The following AKAP7 variants were observed in gnomAD, a reference collection of about 807,000 sequenced individuals.
AKAP7 encodes A kinase (PRKA) anchor protein 7.
AKAP7 carries 39 observed loss-of-function variants against 39.5 expected under a neutral mutation model. The observed-to-expected ratio is 0.99, with a 90% confidence interval of 0.76 to 1.29. The LOEUF is 1.29. Among genes scored for constraint, AKAP7 ranks in the 50% most tolerant of loss-of-function variants. The probability of loss-of-function intolerance (pLI) is 0.00; values close to 1 mark genes in which losing one functional copy is unlikely to be tolerated. For missense variants in AKAP7, 414 were observed against 407.7 expected, an observed-to-expected ratio of 1.02 and a Z score of -0.13; for synonymous variants, 140 against 139.1, an observed-to-expected ratio of 1.01 and a Z score of -0.05.
At chr6:131,145,088 A>G (rs1168192996) in intron 1 of AKAP7, among the ~76,000 whole-genome samples, 197 bp from the exon 2 acceptor site, 1 of 152,082 alleles carries the variant, frequency 6.6e-6, no homozygotes, top group African/African-American at 2.4e-5. Flanking sequence ...TTAAAGCTTT[A>G]TAAGTGTACA....
chr6:131,246,355 G>T (rs117369451), intron 7 of AKAP7, among the ~76,000 whole-genome samples: 3 of 152,246 alleles, frequency 2.0e-5, no homozygotes, highest in Non-Finnish European at 1.5e-5. Context: ...ACCGTGATTG[G>T]TCTGTAGCCA....
At chr6:131,162,649 C>T (rs536481314) in intron 3 of AKAP7, among the ~76,000 whole-genome samples, 1 of 152,298 alleles carries the variant, frequency 6.6e-6, no homozygotes, top group African/African-American at 2.4e-5. Flanking sequence ...TTGTTCGTCT[C>T]TCCTTCAGCC....
At chr6:131,157,541 A>T (rs1802529450) in intron 2 of AKAP7, among the ~76,000 whole-genome samples, 1 of 152,204 alleles carries the variant, frequency 6.6e-6, no homozygotes, top group African/African-American at 2.4e-5. Context: ...TACTGCAGTT[A>T]GATGTAGGAC....
At chr6:131,259,095 G>A (rs1027916658) in intron 7 of AKAP7, among the ~76,000 whole-genome samples, 3 of 152,144 alleles carry the variant, frequency 2.0e-5, no homozygotes, top group Non-Finnish European at 4.4e-5. Flanking sequence ...GTAGTTGTTG[G>A]CATTTGCCAT....
intron 7 of AKAP7, among the ~76,000 whole-genome samples, chr6:131,239,401 C>T (rs1048657605): frequency 6.6e-6 from 1 of 152,094 alleles, no homozygotes; most frequent in Non-Finnish European, 1.5e-5. Context: ...GTGCTCTTCT[C>T]GAGGAGTATC....
intron 4 of AKAP7, among the ~76,000 whole-genome samples, chr6:131,165,871 C>T (rs1215082906): frequency 1.3e-5 from 2 of 152,084 alleles, no homozygotes; most frequent in South Asian, 2.1e-4. Context: ...CTTAGATTTT[C>T]CCTTCCTCTG....
chr6:131,126,425 A>G, the AKAP7 span, among the ~76,000 whole-genome samples: 54 of 152,348 alleles, frequency 3.5e-4, no homozygotes, highest in African/African-American at 1.2e-3. Flanking sequence ...AAATGTCCAC[A>G]GGTATTATTA....
At chr6:131,154,101 G>T (rs1316121411) in intron 2 of AKAP7, among the ~76,000 whole-genome samples, 3 of 152,066 alleles carry the variant, frequency 2.0e-5, no homozygotes, top group Non-Finnish European at 4.4e-5. Context: ...CCAGTTACTC[G>T]GGAGGCTGAG....
intron 5 of AKAP7, among the ~76,000 whole-genome samples, chr6:131,176,708 A>G (rs1804618975): frequency 6.6e-6 from 1 of 152,132 alleles, no homozygotes; most frequent in Admixed American, 6.5e-5. Context: ...AGATGGAGAG[A>G]CTACATTCCG....
At chr6:131,128,690 C>T in the AKAP7 span, among the ~76,000 whole-genome samples, 2 of 151,742 alleles carry the variant, frequency 1.3e-5, no homozygotes, top group African/African-American at 4.8e-5. Flanking sequence ...GGCGTGGTGG[C>T]GTGTGCCTGT....
chr6:131,128,693 G>C, the AKAP7 span, among the ~76,000 whole-genome samples: 2 of 151,820 alleles, frequency 1.3e-5, no homozygotes, highest in African/African-American at 4.8e-5. Flanking sequence ...GTGGTGGCGT[G>C]TGCCTGTAAT....
chr6:131,201,769 A>T (rs951694104), intron 6 of AKAP7, among the ~76,000 whole-genome samples: 1 of 152,090 alleles, frequency 6.6e-6, no homozygotes, highest in Non-Finnish European at 1.5e-5. Context: ...TAATTTTTGT[A>T]TAAGGTGTAA....
chr6:131,282,196 ATG>A lies in AKAP7; in HGVS notation c.*472_*473del. On this transcript the variant is annotated 3_prime_UTR_variant, in exon 8 of 8. Coordinates refer to ENST00000431975, the MANE Select transcript of AKAP7 (RefSeq NM_016377.4). The stretch of plus-strand genomic sequence containing the variant: ...CTGTACAATTAGTCCATAATGTTTC[ATG>A]TTTGTCCTAAGTGTGCTGTTGCTAT... The A allele has an allele frequency of 1.6e-6, 2 of 1,285,898 alleles. No individual in the cohort carries two copies. Among genetic ancestry groups the A allele is most frequent in the Non-Finnish European group, 2.0e-6 (2 of 1,020,370 alleles). 79.7% of individuals were successfully genotyped at this position (1,285,898 alleles called of 1,614,324 possible). A position where few individuals can be genotyped will look rare whatever the true frequency, so the allele number is the denominator to read the frequency against.
chr6:131,176,643 G>C (rs1562186005), intron 5 of AKAP7, among the ~76,000 whole-genome samples: 1 of 152,046 alleles, frequency 6.6e-6, no homozygotes, highest in Non-Finnish European at 1.5e-5. Flanking sequence ...AAGGTTTTTA[G>C]AATGTTCATT....
intron 7 of AKAP7, among the ~76,000 whole-genome samples, chr6:131,263,154 A>G (rs970238102): frequency 6.6e-6 from 1 of 152,212 alleles, no homozygotes; most frequent in East Asian, 1.9e-4. Context: ...TCTAGTTTTT[A>G]TTAGAAGGGA....
In AKAP7 at chr6:131,165,132, C is replaced by T. The variant is rs145909307; in HGVS notation, c.343C>T (p.Arg115Ter). 152 of 1,611,018 alleles carry T rather than the reference C, an allele frequency of 9.4e-5. No individual in the cohort carries two copies. Among genetic ancestry groups the T allele is most frequent in the Non-Finnish European group, 1.1e-4 (126 of 1,177,810 alleles). The part of the protein sequence containing the change: ...LQNAIIQQDE[R>*]LAKAMVSDGS... ...GAATGCAATAATACAACAAGATGAG[C>T]GACTGGCCAAAGCAATGGTCAGTGA... Residue 115 changes from arginine (R) to a stop codon, truncating the protein, a stop_gained, in exon 4 of 8, where the codon CGA (arginine) becomes TGA (stop). Coordinates refer to ENST00000431975, the MANE Select transcript of AKAP7 (RefSeq NM_016377.4). LOFTEE classifies it high-confidence loss of function.
chr6:131,153,146 AG>A (rs1316804993), intron 2 of AKAP7, among the ~76,000 whole-genome samples: 51 of 148,832 alleles, frequency 3.4e-4, no homozygotes, highest in African/African-American at 1.1e-3. Context: ...AAAAAAAAAG[AG>A]AGAGAGAGAT....
intron 5 of AKAP7, among the ~76,000 whole-genome samples, chr6:131,193,717 C>A (rs565063588): frequency 6.6e-6 from 1 of 151,916 alleles, no homozygotes; most frequent in Non-Finnish European, 1.5e-5. Flanking sequence ...TTTATTATGA[C>A]GTTTATCTCA....
chr6:131,148,480 C>T (rs377708725), intron 2 of AKAP7, among the ~76,000 whole-genome samples: 13 of 149,302 alleles, frequency 8.7e-5, no homozygotes, highest in Admixed American at 1.3e-4. Context: ...TTCCCCCCCC[C>T]GTTTATCTCA....
Sources: allele counts gnomAD v4.1 joint callset (sites outside exome capture counted in the v4.1 genomes callset), GRCh38; gene constraint gnomAD v4.1.1; transcripts MANE v1.5; gene names NCBI Gene and HGNC (gene_info 2026-07-23, HGNC 2026-07-21).